Variants in CDKL5 observed in about 807,000 individuals in gnomAD.
CDKL5 encodes the protein cyclin-dependent kinase-like 5.
A neutral mutation model predicts 61.7 loss-of-function variants in CDKL5; 8 were observed. The ratio of observed to expected loss-of-function variants is 0.13; its 90% CI spans 0.08 to 0.23. CDKL5 has a LOEUF of 0.23. Ranked by LOEUF, CDKL5 falls within the 10% of genes least tolerant of loss-of-function variation. CDKL5 has a pLI of 1.00. For missense variants in CDKL5, 440 were observed against 734.5 expected (o/e 0.60, Z 4.63); for synonymous variants, 275 against 272.3 (o/e 1.01, Z -0.10).
intron 17 of CDKL5, chrX:18,627,337 T>A (rs1927092511): frequency 8.9e-6 from 1 of 112,151 alleles, no homozygotes; most frequent in Non-Finnish European, 1.9e-5. Context: ...CTTAAATGCA[T>A]GTCCCTTATA....
At chrX:18,431,828 C>T (rs1931498622) in intron 1 of CDKL5, among the ~76,000 whole-genome samples, 1 of 110,895 alleles carries the variant, frequency 9.0e-6, no homozygotes, top group South Asian at 3.8e-4. Flanking sequence ...TCATTACAAT[C>T]CAGTTTTAGA....
rs143329995 is a variant in CDKL5 at position 18,564,023 on chromosome X, C to G, written c.100-454C>G. ...TGCAGTGGCCATCAATAGGGGCGAG[C>G]TGGTGAAAATTAGATATGCTTGTTA... On this transcript the variant is annotated intron_variant, in intron 3 of 17. Coordinates refer to ENST00000623535, the MANE Select transcript of CDKL5 (RefSeq NM_001323289.2). 4.6e-3 allele frequency among the ~76,000 whole-genome samples: 515 copies of G among 111,585 alleles called. 4 individuals carry two copies. Among genetic ancestry groups the G allele is most frequent in the African/African-American group, 0.015 (467 of 30,717 alleles).
intron 16 of CDKL5, chrX:18,623,760 C>G: frequency 4.0e-6 from 1 of 250,206 alleles, no homozygotes; most frequent in Non-Finnish European, 5.6e-6. Context: ...TGCACAGCAC[C>G]GAGATTCTTT....
chrX:18,496,551 A>G (rs1208389438), intron 1 of CDKL5, among the ~76,000 whole-genome samples: 1 of 111,574 alleles, frequency 9.0e-6, no homozygotes, highest in Non-Finnish European at 1.9e-5. Flanking sequence ...GGAAAGGCCC[A>G]GAAAGGGAAG....
At chrX:18,444,865 A>G in intron 1 of CDKL5, among the ~76,000 whole-genome samples, 1 of 111,216 alleles carries the variant, frequency 9.0e-6, no homozygotes, top group Non-Finnish European at 1.9e-5. Context: ...GCAGTATTTG[A>G]CAATTTAACG....
chrX:18,528,678 G>T (rs950096129), intron 3 of CDKL5, among the ~76,000 whole-genome samples: 2 of 110,511 alleles, frequency 1.8e-5, no homozygotes, highest in African/African-American at 6.6e-5. Flanking sequence ...CTGTTGCCCA[G>T]CCTGGAATAC....
chrX:18,433,928 A>C (rs190532081), intron 1 of CDKL5, among the ~76,000 whole-genome samples: 94 of 112,528 alleles, frequency 8.4e-4, no homozygotes, highest in African/African-American at 2.3e-3. Context: ...ATCCATGCCT[A>C]ATGCGCGTGT....
intron 1 of CDKL5, among the ~76,000 whole-genome samples, chrX:18,502,593 T>C (rs980966593): frequency 9.0e-5 from 10 of 111,254 alleles, no homozygotes; most frequent in Non-Finnish European, 1.5e-4. Flanking sequence ...ATGAGAAGTT[T>C]ATGAGAAGTG....
chrX:18,523,961 T>C (rs1923342476), intron 3 of CDKL5, among the ~76,000 whole-genome samples: 1 of 112,341 alleles, frequency 8.9e-6, no homozygotes, highest in Non-Finnish European at 1.9e-5. Flanking sequence ...TGAATTCGTT[T>C]ATTAGTTCTA....
intron 5 of CDKL5, among the ~76,000 whole-genome samples, chrX:18,576,563 A>G (rs1172352224): frequency 9.0e-6 from 1 of 111,038 alleles, no homozygotes; most frequent in Non-Finnish European, 1.9e-5. Flanking sequence ...CAGTATTGCC[A>G]GGGTAACTGA....
At chrX:18,437,048 A>C (rs1415081525) in intron 1 of CDKL5, among the ~76,000 whole-genome samples, 4 of 110,782 alleles carry the variant, frequency 3.6e-5, no homozygotes, top group Non-Finnish European at 7.6e-5. Flanking sequence ...ACTTGTCCTA[A>C]ATCTCCTGGG....
chrX:18,602,388 T>C (rs1198487839), intron 11 of CDKL5, among the ~76,000 whole-genome samples: 1 of 112,305 alleles, frequency 8.9e-6, no homozygotes. Context: ...CTTTAGGATA[T>C]AGGGACTTTA....
intron 1 of CDKL5, among the ~76,000 whole-genome samples, chrX:18,431,770 T>C (rs776341255): frequency 1.8e-5 from 2 of 111,261 alleles, no homozygotes; most frequent in Non-Finnish European, 3.8e-5. Flanking sequence ...ACCTTTTTAG[T>C]GTATGATTCA....
At chrX:18,533,889 T>C (rs1923732839) in intron 3 of CDKL5, among the ~76,000 whole-genome samples, 1 of 111,942 alleles carries the variant, frequency 8.9e-6, no homozygotes, top group Admixed American at 9.5e-5. Flanking sequence ...TGCTGCTCTG[T>C]AGGTTCCTCA....
chrX:18,632,181 G>A lies in CDKL5; in HGVS notation c.*3424G>A, dbSNP rs145698647. On this transcript the variant is annotated 3_prime_UTR_variant, in exon 18 of 18. Coordinates refer to ENST00000623535, the MANE Select transcript of CDKL5 (RefSeq NM_001323289.2). ...CTGTCCAGGCTACAGTACTGCAGGT[G>A]TGATTTCTTCAACATCACATTCTCT... 239 of 751,652 alleles carry A rather than the reference G, an allele frequency of 3.2e-4. No homozygotes were observed. Among genetic ancestry groups the A allele is most frequent in the Middle Eastern group, 7.6e-4 (1 of 1,321 alleles). 61.9% of individuals were successfully genotyped at this position (751,652 alleles called of 1,213,427 possible).
intron 1 of CDKL5, among the ~76,000 whole-genome samples, chrX:18,446,328 G>A (rs1287813342): frequency 9.2e-6 from 1 of 108,473 alleles, no homozygotes; most frequent in East Asian, 2.9e-4. Context: ...TCCAGCCTGG[G>A]CAACAAGAAC....
At chrX:18,555,258 G>C (rs780928943) in intron 3 of CDKL5, among the ~76,000 whole-genome samples, 1 of 110,942 alleles carries the variant, frequency 9.0e-6, no homozygotes, top group Non-Finnish European at 1.9e-5. Context: ...AGATGTCTTG[G>C]GGGGAGCACA....
At chrX:18,430,298 G>A (rs1374639463) in intron 1 of CDKL5, among the ~76,000 whole-genome samples, 3 of 112,258 alleles carry the variant, frequency 2.7e-5, no homozygotes, top group Admixed American at 9.5e-5. Flanking sequence ...TAAAGGCTTC[G>A]AAGATACTCC....
chrX:18,477,437 A>G (rs777519203), intron 1 of CDKL5, among the ~76,000 whole-genome samples: 1 of 112,389 alleles, frequency 8.9e-6, no homozygotes, highest in African/African-American at 3.2e-5. Context: ...CACATTTAAT[A>G]TAGTTATTGA....
Sources: gnomAD v4.1 joint callset for allele counts (sites outside exome capture counted in the v4.1 genomes callset) on GRCh38, gnomAD v4.1.1 for gene constraint, MANE v1.5 for transcripts, NCBI Gene and HGNC (gene_info 2026-07-23, HGNC 2026-07-21) for gene names.